Variants in PDK1 observed in about 807,000 individuals in gnomAD.
PDK1 encodes [Pyruvate dehydrogenase (acetyl-transferring)] kinase isozyme 1, mitochondrial.
Under a neutral mutation model 54.2 loss-of-function variants are expected in PDK1, and 39 were observed. The observed-to-expected ratio is 0.72, with a 90% CI of 0.56 to 0.94. PDK1 has a LOEUF of 0.94. PDK1 is among the 40% of genes least tolerant of loss of function. The pLI, the probability that PDK1 is intolerant of heterozygous loss-of-function variation, is 0.00. For synonymous variants in PDK1, 221 were observed against 207.1 expected (o/e 1.07, Z -0.58); for missense variants, 552 against 566.0 (o/e 0.98, Z 0.25).
At chr2:172,724,193 G>A in the PDK1 span, 1 of 152,074 alleles carries the variant, frequency 6.6e-6, no homozygotes, top group African/African-American at 2.4e-5. Context: ...CCACAGGTAG[G>A]TTGCTGGATC....
At chr2:172,662,492 T>TTGTGTGTG in the PDK1 span, among the ~76,000 whole-genome samples, 1 of 12,140 alleles carries the variant, frequency 8.2e-5, no homozygotes, top group African/African-American at 2.1e-4. Context: ...CTTTTTAAAA[T>TTGTGTGTG]CGTGTGTGTG....
At chr2:172,671,804 A>G in the PDK1 span, among the ~76,000 whole-genome samples, 1 of 152,174 alleles carries the variant, frequency 6.6e-6, no homozygotes, top group Non-Finnish European at 1.5e-5. Context: ...ATAGTTTATC[A>G]TTGCCCTTAG....
In PDK1 at chr2:172,556,266, A is replaced by G. The variant is rs1688315174; in HGVS notation, c.116A>G (p.Glu39Gly). 14 of 1,488,396 alleles carry G rather than the reference A, an allele frequency of 9.4e-6. No homozygotes were observed. The highest frequency in any genetic ancestry group is 1.2e-5 in the Non-Finnish European group (14 of 1,125,860). 92.2% of individuals were successfully genotyped at this position (1,488,396 alleles called of 1,614,324 possible). ...GACTCGGGCTCCAGCCCGGCGTCCG[A>G]GCGCGGCGTTCCGGGCCAGGTGGAC... ...SSDSGSSPAS[E>G]RGVPGQVDFY... is the part of the protein sequence containing the mutation. The change falls in exon 1 of 11, where the codon GAG (glutamate) becomes GGG (glycine). Residue 39 changes from glutamate (E) to glycine (G), a missense_variant. Coordinates refer to ENST00000282077, the MANE Select transcript of PDK1 (RefSeq NM_002610.5).
rs755170726 is a variant in PDK1 at position 172,586,259 on chromosome 2, G to A, written c.946-19G>A. Reference sequence around the variant, plus strand: ...TTTTGAGGATTTGGGCATAGAGCACGATCCTTTTCTTACCTTAGATGAGTG... The same window carrying A: ...TTTTGAGGATTTGGGCATAGAGCACAATCCTTTTCTTACCTTAGATGAGTG... On this transcript the variant is annotated intron_variant, in intron 8 of 10. Coordinates refer to ENST00000282077, the MANE Select transcript of PDK1 (RefSeq NM_002610.5). 8 of 1,506,432 alleles carry A rather than the reference G, an allele frequency of 5.3e-6. No homozygotes were observed. The highest frequency in any genetic ancestry group is 4.5e-5 in the East Asian group (2 of 44,200). 93.3% of individuals were successfully genotyped at this position (1,506,432 alleles called of 1,614,324 possible).
At chr2:172,704,879 G>T in the PDK1 span, among the ~76,000 whole-genome samples, 2 of 152,276 alleles carry the variant, frequency 1.3e-5, no homozygotes, top group East Asian at 1.9e-4. Flanking sequence ...GAGGTAAAAA[G>T]TTATGGAGTC....
the PDK1 span, among the ~76,000 whole-genome samples, chr2:172,615,958 C>G: frequency 6.6e-6 from 1 of 152,210 alleles, no homozygotes; most frequent in Admixed American, 6.5e-5. Context: ...TATGGGGACA[C>G]AGCTACGAAC....
In PDK1 at chr2:172,556,237, C is replaced by A. The variant is rs1293454425; in HGVS notation, c.87C>A (p.Ser29Arg). 1 of 1,457,880 alleles carries A rather than the reference C, an allele frequency of 6.9e-7. No individual in the cohort carries two copies. The allele number at this position is 1,457,880 out of a possible 1,614,324, so 90.3% of individuals were successfully genotyped here. A position where few individuals can be genotyped will look rare whatever the true frequency, so the allele number is the denominator to read the frequency against. ...CCGCCGGCTTCAGCCGCAGCTTCAG[C>A]TCGGACTCGGGCTCCAGCCCGGCGT... Reference protein sequence around the residue: ...LRAAGFSRSFSSDSGSSPASE... With the variant: ...LRAAGFSRSFRSDSGSSPASE... The change falls in exon 1 of 11, where the codon AGC becomes AGA. Residue 29 changes from serine (S) to arginine (R), a missense_variant. Transcript: ENST00000282077.
the PDK1 span, among the ~76,000 whole-genome samples, chr2:172,689,477 T>G: frequency 6.6e-6 from 1 of 152,330 alleles, no homozygotes; most frequent in African/African-American, 2.4e-5. Context: ...AATGACTTTC[T>G]TCACAGAATT....
the PDK1 span, among the ~76,000 whole-genome samples, chr2:172,707,440 G>C: frequency 3.9e-5 from 6 of 152,154 alleles, no homozygotes; most frequent in African/African-American, 1.4e-4. Context: ...ATTTGCCAGG[G>C]TACCCCTTTC....
At chr2:172,621,114 T>A in the PDK1 span, among the ~76,000 whole-genome samples, 1 of 152,194 alleles carries the variant, frequency 6.6e-6, no homozygotes, top group East Asian at 1.9e-4. Flanking sequence ...ACCCCATCTC[T>A]ACTAAAAATA....
chr2:172,576,330 G>T (rs745472544), intron 8 of PDK1, among the ~76,000 whole-genome samples: 2 of 151,688 alleles, frequency 1.3e-5, no homozygotes, highest in Non-Finnish European at 2.9e-5. Context: ...ATTTTTGTAA[G>T]ATTGGTAGTG....
the PDK1 span, among the ~76,000 whole-genome samples, chr2:172,719,256 T>C: frequency 1.3e-5 from 2 of 152,248 alleles, no homozygotes; most frequent in African/African-American, 4.8e-5. Context: ...TTGGAGGTTA[T>C]GAATAGTCAC....
chr2:172,571,760 C>G (rs1689270321), intron 8 of PDK1, among the ~76,000 whole-genome samples: 1 of 147,776 alleles, frequency 6.8e-6, no homozygotes, highest in Non-Finnish European at 1.5e-5. Context: ...TATAAAAATT[C>G]AAATGTGTCA....
downstream of PDK1, among the ~76,000 whole-genome samples, chr2:172,611,071 G>A (rs1691446159): frequency 6.9e-6 from 1 of 145,370 alleles, no homozygotes; most frequent in South Asian, 2.2e-4. Flanking sequence ...GGATCTTGGG[G>A]TTTTGGTAGC....
chr2:172,710,184 C>T, the PDK1 span, among the ~76,000 whole-genome samples: 3 of 152,058 alleles, frequency 2.0e-5, no homozygotes, highest in East Asian at 1.9e-4. Context: ...AAAACTTTCA[C>T]GGTAAAGGCA....
chr2:172,581,884 A>G (rs560201349), intron 8 of PDK1, among the ~76,000 whole-genome samples: 4 of 152,196 alleles, frequency 2.6e-5, no homozygotes, highest in East Asian at 1.9e-4. Context: ...TAAATAACCT[A>G]TGTGTTATAG....
chr2:172,625,275 C>T, the PDK1 span, among the ~76,000 whole-genome samples: 4 of 152,178 alleles, frequency 2.6e-5, no homozygotes, highest in African/African-American at 9.7e-5. Context: ...CTGTGATCAA[C>T]CACTCTCCCC....
chr2:172,679,635 C>T, the PDK1 span, among the ~76,000 whole-genome samples: 1 of 151,932 alleles, frequency 6.6e-6, no homozygotes, highest in Non-Finnish European at 1.5e-5. Context: ...GGGTGAACAA[C>T]TTGTTCAGAG....
At chr2:172,576,480 T>A (rs1689593988) in intron 8 of PDK1, among the ~76,000 whole-genome samples, 1 of 151,956 alleles carries the variant, frequency 6.6e-6, no homozygotes, top group South Asian at 2.1e-4. Flanking sequence ...CATTTTTCTA[T>A]TCTGTATTTC....
Sources: allele counts gnomAD v4.1 joint callset (sites outside exome capture counted in the v4.1 genomes callset), GRCh38; gene constraint gnomAD v4.1.1; transcripts MANE v1.5; gene names NCBI Gene and HGNC (gene_info 2026-07-23, HGNC 2026-07-21).